The following SPON1 variants were observed in gnomAD, a reference collection of about 807,000 sequenced individuals.
SPON1 encodes spondin 1, also known as spondin-1.
A neutral mutation model predicts 111.7 loss-of-function variants in SPON1; 52 were observed. The observed-to-expected ratio is 0.47, with a 90% CI of 0.37 to 0.59. The LOEUF (loss-of-function observed/expected upper bound fraction) is 0.59. SPON1 is among the 20% of genes least tolerant of loss of function. SPON1 has a pLI of 0.00. For missense variants in SPON1, 957 were observed against 1,068.5 expected, an observed-to-expected ratio of 0.90 and a Z score of 1.46; for synonymous variants, 410 against 395.8, an observed-to-expected ratio of 1.04 and a Z score of -0.43.
At position 14,112,670 on chromosome 11, in the gene SPON1, CTGGGTCTTAATTTTCA is replaced by C. The variant is rs1161542209; in HGVS notation, c.677-22747_677-22732del. On this transcript the variant is annotated intron_variant, in intron 5 of 15. Coordinates refer to ENST00000576479, the MANE Select transcript of SPON1 (RefSeq NM_006108.4). ...TTGCCTTGGACCCCAGTTCTCATAA[CTGGGTCTTAATTTTCA>C]TGCATGTGTCAATTCCATAGATAGT... 1.2e-4 allele frequency among the ~76,000 whole-genome samples: 19 copies of C among 152,326 alleles called. 1 individual carries two copies. The highest frequency in any genetic ancestry group is 4.3e-4 in the African/African-American group (18 of 41,574).
intron 7 of SPON1, among the ~76,000 whole-genome samples, chr11:14,249,062 A>G (rs1849024887): frequency 6.6e-6 from 1 of 152,234 alleles, no homozygotes; most frequent in South Asian, 2.1e-4. Flanking sequence ...CTGAATGCTA[A>G]GAATTACTGG....
chr11:13,988,294 T>A (rs1848201071), intron 2 of SPON1, among the ~76,000 whole-genome samples: 1 of 152,168 alleles, frequency 6.6e-6, no homozygotes, highest in Admixed American at 6.5e-5. Context: ...TATTCCTAGG[T>A]ATTTTATTCT....
intron 2 of SPON1, among the ~76,000 whole-genome samples, chr11:13,996,015 G>A (rs782700889): frequency 9.9e-5 from 15 of 152,186 alleles, no homozygotes; most frequent in South Asian, 2.1e-4. Context: ...TCTTAGAGTC[G>A]TTGAAATTTC....
chr11:14,043,530 T>C (rs1848647116), intron 3 of SPON1, among the ~76,000 whole-genome samples: 1 of 152,318 alleles, frequency 6.6e-6, no homozygotes, highest in African/African-American at 2.4e-5. Flanking sequence ...TCTGTTAGTA[T>C]TTTCACTCTT....
chr11:14,249,457 T>C (rs1849029137), intron 7 of SPON1, among the ~76,000 whole-genome samples: 1 of 152,244 alleles, frequency 6.6e-6, no homozygotes, highest in African/African-American at 2.4e-5. Flanking sequence ...TTTCCAACGT[T>C]GCAGGAACCT....
chr11:14,154,493 G>T (rs1178652726), intron 6 of SPON1, among the ~76,000 whole-genome samples: 1 of 152,214 alleles, frequency 6.6e-6, no homozygotes, highest in Non-Finnish European at 1.5e-5. Flanking sequence ...AGGATGCAGG[G>T]CATCATGTCC....
rs7952463 is a variant in SPON1 at position 14,140,489 on chromosome 11, G to A, written c.825+4921G>A. On this transcript the variant is annotated intron_variant, in intron 6 of 15. Coordinates refer to ENST00000576479, the MANE Select transcript of SPON1 (RefSeq NM_006108.4). The stretch of plus-strand genomic sequence containing the variant: ...AGCTCACTGCAACCTCCGCCTCCTG[G>A]GTTCAAGCGATTCTCCTGCCTCAGC... Among the ~76,000 whole-genome samples the A allele has an allele frequency of 5.3e-3, 814 of 152,206 alleles. 10 individuals are homozygous for A. The highest frequency in any genetic ancestry group is 0.019 in the African/African-American group (775 of 41,528).
chr11:14,138,545 G>C (rs1235794346), intron 6 of SPON1, among the ~76,000 whole-genome samples: 2 of 152,028 alleles, frequency 1.3e-5, no homozygotes, highest in African/African-American at 2.4e-5. Context: ...GTGTCCTGGT[G>C]GCCAGGACAC....
intron 5 of SPON1, among the ~76,000 whole-genome samples, chr11:14,112,625 C>T (rs1351888947): frequency 6.6e-6 from 1 of 152,160 alleles, no homozygotes; most frequent in African/African-American, 2.4e-5. Context: ...TTATTATGAC[C>T]CTTTTTCATG....
At chr11:14,158,326 C>T (rs1458276802) in intron 6 of SPON1, among the ~76,000 whole-genome samples, 1 of 152,130 alleles carries the variant, frequency 6.6e-6, no homozygotes, top group Non-Finnish European at 1.5e-5. Flanking sequence ...TTAATCTTCC[C>T]CAAATCTGAG....
chr11:14,215,268 A>G (rs1848615284), intron 6 of SPON1, among the ~76,000 whole-genome samples: 1 of 152,136 alleles, frequency 6.6e-6, no homozygotes, highest in African/African-American at 2.4e-5. Flanking sequence ...TGGCCACAAG[A>G]TCAGTATTAG....
intron 6 of SPON1, among the ~76,000 whole-genome samples, chr11:14,217,006 CA>C (rs1425690018): frequency 6.6e-6 from 1 of 152,176 alleles, no homozygotes; most frequent in African/African-American, 2.4e-5. Context: ...CTGATCTAAC[CA>C]AACAATGCCA....
At chr11:13,973,628 A>G (rs1554908829) in intron 1 of SPON1, among the ~76,000 whole-genome samples, 1 of 152,216 alleles carries the variant, frequency 6.6e-6, no homozygotes, top group African/African-American at 2.4e-5. Context: ...GATAATTATG[A>G]TCCTTATTTC....
At chr11:14,119,422 C>T (rs924071271) in intron 5 of SPON1, among the ~76,000 whole-genome samples, 1 of 152,166 alleles carries the variant, frequency 6.6e-6, no homozygotes, top group Non-Finnish European at 1.5e-5. Context: ...CACCCACCCC[C>T]TATTGACCAA....
At chr11:14,077,693 C>T (rs1425989163) in intron 4 of SPON1, among the ~76,000 whole-genome samples, 1 of 151,924 alleles carries the variant, frequency 6.6e-6, no homozygotes, top group Non-Finnish European at 1.5e-5. Flanking sequence ...CCATGTTGGC[C>T]AGGCTGGTCT....
chr11:14,188,646 A>G (rs192225650), intron 6 of SPON1, among the ~76,000 whole-genome samples: 30 of 152,248 alleles, frequency 2.0e-4, no homozygotes, highest in African/African-American at 7.2e-4. Context: ...CATATTCTTG[A>G]AACTTTTGGC....
chr11:14,087,180 C>T (rs1366019614), intron 5 of SPON1, among the ~76,000 whole-genome samples: 2 of 152,062 alleles, frequency 1.3e-5, no homozygotes, highest in Admixed American at 1.3e-4. Flanking sequence ...TTCTTGTCTT[C>T]TGCTAGCTTT....
At position 14,228,680 on chromosome 11, in the gene SPON1, C is replaced by T. The variant is rs1264852385; in HGVS notation, c.826-14652C>T. Among the ~76,000 whole-genome samples, 6 of 152,164 alleles carry T rather than the reference C, an allele frequency of 3.9e-5. No individual in the cohort carries two copies. The highest frequency in any genetic ancestry group is 8.8e-5 in the Non-Finnish European group (6 of 68,032). ...CAAAGAACTGACAGCTAAGAGCAAC[C>T]TTTTACCATCATCCCTGCAGCTGGG... On this transcript the variant is annotated intron_variant, in intron 6 of 15. Coordinates refer to ENST00000576479, the MANE Select transcript of SPON1 (RefSeq NM_006108.4). This position sits in a 1 kb window ranked among gnomAD's most constrained non-coding sequence, Gnocchi z 4.2.
At chr11:14,178,743 C>T (rs1364733405) in intron 6 of SPON1, among the ~76,000 whole-genome samples, 2 of 152,174 alleles carry the variant, frequency 1.3e-5, no homozygotes, top group African/African-American at 4.8e-5. Flanking sequence ...ACATGAAGCC[C>T]CCGGCCCTGT....
Sources: gnomAD v4.1 joint callset for allele counts (sites outside exome capture counted in the v4.1 genomes callset) on GRCh38, gnomAD v4.1.1 for gene constraint, Gnocchi (gnomAD v3.1) non-coding constraint, MANE v1.5 for transcripts, NCBI Gene and HGNC (gene_info 2026-07-23, HGNC 2026-07-21) for gene names.